Variants in LAMB1 observed in about 807,000 individuals in gnomAD.
The protein encoded by LAMB1 is laminin subunit beta 1, also known as laminin subunit beta-1.
LAMB1 carries 121 observed loss-of-function variants against 222.3 expected under a neutral mutation model. The observed-to-expected ratio is 0.54, with a 90% CI of 0.47 to 0.63. LAMB1 has a LOEUF of 0.63. Among genes scored for constraint, LAMB1 ranks in the 30% least tolerant of loss-of-function variants. The pLI is 0.00. For synonymous variants in LAMB1, 794 were observed against 807.2 expected (o/e 0.98, Z 0.28); for missense variants, 2,172 against 2,240.8 (o/e 0.97, Z 0.62).
intron 4 of LAMB1, among the ~76,000 whole-genome samples, chr7:107,995,785 TGA>T (rs2034270680): frequency 6.6e-6 from 1 of 152,204 alleles, no homozygotes. Context: ...TTCTTGTGTT[TGA>T]GAGAGCTTTT....
intron 8 of LAMB1, 112 bp downstream of exon 8, chr7:107,980,497 C>G (rs2033950688): frequency 1.2e-6 from 1 of 836,824 alleles, no homozygotes. Flanking sequence ...AAATGTAACT[C>G]TGTAAAACTA....
At position 107,963,018 on chromosome 7, in the gene LAMB1, AG is replaced by A. The variant is rs775556366; in HGVS notation, c.1743del (p.Ser582ProfsTer32). The A allele has an allele frequency of 6.2e-7, 1 of 1,614,056 alleles. No individual in the cohort carries two copies. Among genetic ancestry groups the A allele is most frequent in the Non-Finnish European group, 8.5e-7 (1 of 1,179,930 alleles). ...CGGACGAAGCCGGCTCCAGTCCAGG[AG>A]GGAATCCGGTCCTGGATATATTGCC... ...VERQYIQDRI[P>X]SWTGAGFVRV... On this transcript the variant is annotated frameshift_variant, in exon 15 of 34. Transcript: ENST00000222399. LOFTEE classifies it high-confidence loss of function.
intron 21 of LAMB1, among the ~76,000 whole-genome samples, chr7:107,954,083 C>T (rs181365845): frequency 7.2e-5 from 11 of 152,228 alleles, no homozygotes; most frequent in African/African-American, 2.6e-4. Flanking sequence ...AGCTTCTGAG[C>T]ACATGGGGGT....
intron 22 of LAMB1, 84 bp downstream of exon 22, chr7:107,953,446 A>C (rs1189312669): frequency 2.9e-6 from 3 of 1,047,702 alleles, no homozygotes; most frequent in Non-Finnish European, 4.4e-6. Flanking sequence ...AAGTGAAATA[A>C]ATACAGGAAG....
rs1039475666 is a variant in LAMB1 at position 107,952,196 on chromosome 7, A to C, written c.3107T>G (p.Val1036Gly). 1.1e-5 allele frequency: 18 copies of C among 1,610,112 alleles called. No individual in the cohort carries two copies. Among genetic ancestry groups the C allele is most frequent in the Non-Finnish European group, 1.7e-6 (2 of 1,177,000 alleles). ...RKCVCNYLGT[V>G]QEHCNGSDCQ... is the part of the protein sequence containing the mutation. Reference sequence around the variant, plus strand: ...GTCAGAGCCGTTACAGTGCTCTTGCACGGTGCCCAGGTAATTACAGACACA... The same window carrying C: ...GTCAGAGCCGTTACAGTGCTCTTGCCCGGTGCCCAGGTAATTACAGACACA... Residue 1036 changes from valine (V) to glycine (G), a missense_variant, in exon 23 of 34, where the codon GTG becomes GGG. By Grantham distance (109) the Val-to-Gly change is moderately radical. Transcript: ENST00000222399.
chr7:107,963,026 C>A lies in LAMB1; in HGVS notation c.1736G>T (p.Arg579Leu). 1.2e-6 allele frequency: 2 copies of A among 1,613,950 alleles called. No homozygotes were observed. The highest frequency in any genetic ancestry group is 8.5e-7 in the Non-Finnish European group (1 of 1,179,886). The change falls in exon 15 of 34, where the codon CGG (arginine) becomes CTG (leucine). Residue 579 changes from arginine (R) to leucine (L), a missense_variant. Arg to Leu is a moderately radical substitution (Grantham distance 102). Transcript: ENST00000222399. ...SIVERQYIQDRIPSWTGAGFV... is the reference protein window; with the variant it reads ...SIVERQYIQDLIPSWTGAGFV... ...GCCGGCTCCAGTCCAGGAGGGAATC[C>A]GGTCCTGGATATATTGCCGCTCCAC...
chr7:107,943,677 A>G (rs2033046892), intron 24 of LAMB1, among the ~76,000 whole-genome samples: 1 of 152,114 alleles, frequency 6.6e-6, no homozygotes, highest in Admixed American at 6.6e-5. Flanking sequence ...GGGGCCCAGA[A>G]CTATTTTTAT....
intron 15 of LAMB1, 147 bp downstream of exon 15, chr7:107,962,758 T>C (rs887224921): frequency 1.9e-4 from 90 of 480,486 alleles, no homozygotes; most frequent in African/African-American, 1.4e-3. Flanking sequence ...TATTTTAACT[T>C]CCATGGAGGA....
chr7:107,998,096 T>C (rs1288525477), intron 4 of LAMB1, among the ~76,000 whole-genome samples: 3 of 152,074 alleles, frequency 2.0e-5, no homozygotes, highest in Non-Finnish European at 4.4e-5. Context: ...AAGTATTCTC[T>C]CCAAAAGCCC....
At chr7:107,986,736 T>C (rs1036735947) in intron 5 of LAMB1, among the ~76,000 whole-genome samples, 4 of 152,224 alleles carry the variant, frequency 2.6e-5, no homozygotes, top group African/African-American at 9.6e-5. Context: ...AATCATTCAA[T>C]AAAGGTATGA....
chr7:107,980,908 A>C, intron 7 of LAMB1, 97 bp from the exon 8 acceptor site: 1 of 687,500 alleles, frequency 1.5e-6, no homozygotes, highest in Non-Finnish European at 2.5e-6. Flanking sequence ...AAGGCATGAC[A>C]CATGAAAATA....
intron 9 of LAMB1, among the ~76,000 whole-genome samples, chr7:107,977,589 A>T (rs2033892910): frequency 6.6e-6 from 1 of 152,056 alleles, no homozygotes; most frequent in Non-Finnish European, 1.5e-5. Flanking sequence ...GGAGTTCAAG[A>T]CCAGCCTGAC....
chr7:107,935,254 C>G (rs1408804393), intron 27 of LAMB1, 161 bp downstream of exon 27: 2 of 1,074,810 alleles, frequency 1.9e-6, no homozygotes, highest in African/African-American at 3.2e-5. Context: ...ATACCCCATT[C>G]CAGGATCCAG....
chr7:107,946,767 A>C (rs1403111165), intron 24 of LAMB1, among the ~76,000 whole-genome samples: 1 of 152,254 alleles, frequency 6.6e-6, no homozygotes, highest in Non-Finnish European at 1.5e-5. Flanking sequence ...GTTGTGAAAG[A>C]AATCCCAACA....
chr7:107,957,071 A>C (rs2033392586), intron 20 of LAMB1, among the ~76,000 whole-genome samples: 1 of 152,176 alleles, frequency 6.6e-6, no homozygotes, highest in Admixed American at 6.5e-5. Context: ...AATCTCATCC[A>C]ACCTAGTTAT....
chr7:107,946,299 C>T (rs1584495553), intron 24 of LAMB1, among the ~76,000 whole-genome samples: 1 of 152,180 alleles, frequency 6.6e-6, no homozygotes, highest in Non-Finnish European at 1.5e-5. Flanking sequence ...CTGACATTCT[C>T]TTTTATCCTT....
chr7:107,937,064 T>G, intron 26 of LAMB1, 29 bp downstream of exon 26: 1 of 1,579,954 alleles, frequency 6.3e-7, no homozygotes, highest in Non-Finnish European at 8.7e-7. Flanking sequence ...ATCCATTGTC[T>G]GGGACTATTT....
chr7:107,952,539 A>T (rs911966628), intron 22 of LAMB1, among the ~76,000 whole-genome samples: 17 of 152,360 alleles, frequency 1.1e-4, no homozygotes, highest in African/African-American at 3.4e-4. Context: ...AAATAATTTT[A>T]AAAAATGCCA....
intron 13 of LAMB1, among the ~76,000 whole-genome samples, chr7:107,968,207 A>G (rs1237111400): frequency 2.0e-5 from 3 of 152,212 alleles, no homozygotes; most frequent in African/African-American, 7.2e-5. Context: ...TCACAGTGAT[A>G]CCAATGATTT....
Sources: gnomAD v4.1 joint callset for allele counts (sites outside exome capture counted in the v4.1 genomes callset) on GRCh38, gnomAD v4.1.1 for gene constraint, MANE v1.5 for transcripts, NCBI Gene and HGNC (gene_info 2026-07-23, HGNC 2026-07-21) for gene names.